The following SV2B variants were observed in gnomAD, a reference collection of about 807,000 sequenced individuals.
The protein encoded by SV2B is synaptic vesicle glycoprotein 2B.
Under a neutral mutation model 73.9 loss-of-function variants are expected in SV2B, and 41 were observed. The observed-to-expected ratio is 0.56, with a 90% CI of 0.43 to 0.72. The LOEUF (loss-of-function observed/expected upper bound fraction) is 0.72, where lower values mean the gene tolerates loss of function less well. SV2B is among the 30% of genes least tolerant of loss of function. SV2B has a pLI of 0.00. For missense variants in SV2B, 764 were observed against 857.8 expected, an observed-to-expected ratio of 0.89 and a Z score of 1.37; for synonymous variants, 314 against 314.2, an observed-to-expected ratio of 1.00 and a Z score of 0.01.
At position 91,281,879 on chromosome 15, in the gene SV2B, CAGAT is replaced by C. The variant is rs1269385184; in HGVS notation, c.1507+19_1507+22del. On this transcript the variant is annotated intron_variant, in intron 10 of 12. Transcript: ENST00000394232. This position sits in a 1 kb window ranked among gnomAD's most constrained non-coding sequence, Gnocchi z 4.7. ...CAACACAGGTAGGTAAGAACATTGACAGATTGAATAGAAAGTAACAGGAGACAAC... is the reference window on the plus strand; with the variant it reads ...CAACACAGGTAGGTAAGAACATTGACTGAATAGAAAGTAACAGGAGACAAC... 1 of 1,596,666 alleles carries C rather than the reference CAGAT, an allele frequency of 6.3e-7. No individual in the cohort carries two copies.
At position 91,253,247 on chromosome 15, in the gene SV2B, A is replaced by G. The variant is rs1249589543; in HGVS notation, c.784+727A>G. Among the ~76,000 whole-genome samples the G allele has an allele frequency of 6.6e-6, 1 of 152,184 alleles. No individual in the cohort carries two copies. On this transcript the variant is annotated intron_variant, in intron 4 of 12. Transcript: ENST00000394232. This position sits in a 1 kb window ranked among gnomAD's most constrained non-coding sequence, Gnocchi z 5.0. ...TATACTTAGTAATACTATCATCATC[A>G]TTCAAAATCATTTTTGGTAAATCAC...
At chr15:91,191,323 G>A (rs1385835446) in intron 1 of SV2B, among the ~76,000 whole-genome samples, 1 of 152,000 alleles carries the variant, frequency 6.6e-6, no homozygotes. Context: ...ATTAGGTCTT[G>A]TCTTTGGCCT....
intron 9 of SV2B, among the ~76,000 whole-genome samples, chr15:91,273,660 C>A (rs966880845): frequency 3.3e-5 from 5 of 151,960 alleles, no homozygotes; most frequent in African/African-American, 1.2e-4. Flanking sequence ...CTCTTTTTTT[C>A]CATTATAAAA....
chr15:91,159,196 C>T (rs559905055), intron 1 of SV2B, among the ~76,000 whole-genome samples: 2 of 152,186 alleles, frequency 1.3e-5, no homozygotes, highest in African/African-American at 4.8e-5. Context: ...CTCCCCACCA[C>T]CTCAGCTTCT....
Position 91,220,958 on chromosome 15 carries a change from G to A in SV2B, c.-391-4915G>A, listed in dbSNP as rs559798776. Among the ~76,000 whole-genome samples, 1 of 152,180 alleles carries A rather than the reference G, an allele frequency of 6.6e-6. No homozygotes were observed. Among genetic ancestry groups the A allele is most frequent in the East Asian group, 1.9e-4 (1 of 5,190 alleles). ...GGCTCACTGCAACCTCCGCCTCCTG[G>A]GATCAAGTGATCTTCCTTCCTCTGC... On this transcript the variant is annotated intron_variant, in intron 1 of 12. Transcript: ENST00000394232. The surrounding 1 kb of genome is among the most constrained non-coding windows in gnomAD (Gnocchi z 4.1).
intron 1 of SV2B, among the ~76,000 whole-genome samples, chr15:91,125,077 A>G (rs574931666): frequency 6.6e-6 from 1 of 152,192 alleles, no homozygotes; most frequent in South Asian, 2.1e-4. Flanking sequence ...ACCTGTTCAC[A>G]TAGCCTTCCC....
chr15:91,134,454 A>C (rs1255876441), intron 1 of SV2B, among the ~76,000 whole-genome samples: 1 of 152,092 alleles, frequency 6.6e-6, no homozygotes, highest in Non-Finnish European at 1.5e-5. Flanking sequence ...CAGAGCCACA[A>C]AGTAGCTGCA....
chr15:91,301,003 A>G lies in SV2B; in HGVS notation c.*8451A>G, dbSNP rs756380362. 1 of 152,260 alleles carries G rather than the reference A, an allele frequency of 6.6e-6. No homozygotes were observed. The highest frequency in any genetic ancestry group is 1.5e-5 in the Non-Finnish European group (1 of 68,066). The allele number at this position is 152,260 out of a possible 1,614,324, so 9.4% of individuals were successfully genotyped here. ...CTTTGGAAGCCTGCCATCTTTCTGT[A>G]ACGCACCTTCAACCTGAGATAATTA... On this transcript the variant is annotated 3_prime_UTR_variant, in exon 13 of 13. Transcript: ENST00000394232. This position sits in a 1 kb window ranked among gnomAD's most constrained non-coding sequence, Gnocchi z 4.3.
chr15:91,291,316 T>C (rs568094878), intron 12 of SV2B, among the ~76,000 whole-genome samples: 1 of 151,944 alleles, frequency 6.6e-6, no homozygotes, highest in South Asian at 2.1e-4. Context: ...AAAACAAAGA[T>C]ACTAAGACAA....
intron 6 of SV2B, among the ~76,000 whole-genome samples, chr15:91,263,839 C>T (rs1182572455): frequency 6.6e-6 from 1 of 152,236 alleles, no homozygotes; most frequent in East Asian, 1.9e-4. Context: ...TCCTCCCTTT[C>T]AGTCTCTCCA....
chr15:91,154,430 G>C (rs929533081), intron 1 of SV2B, among the ~76,000 whole-genome samples: 5 of 152,156 alleles, frequency 3.3e-5, no homozygotes, highest in African/African-American at 1.2e-4. Flanking sequence ...TGGAATATTA[G>C]ACAGGCAGAT....
In SV2B at chr15:91,251,869, C is replaced by G. The variant is rs2047496818; in HGVS notation, c.502C>G (p.Leu168Val). Residue 168 changes from leucine to valine, a missense_variant, in exon 3 of 13, where the codon CTG becomes GTG. Leu to Val is a conservative substitution (Grantham distance 32). Coordinates refer to ENST00000394232, the MANE Select transcript of SV2B (RefSeq NM_001323032.3). ...GGCGGGCGCCTTCATCCTGGGAGGC[C>G]TGGCTGATAAGCTGGGAAGGAAGCG... ...MMAGAFILGG[L>V]ADKLGRKRVL... 1 of 1,614,080 alleles carries G rather than the reference C, an allele frequency of 6.2e-7. No homozygotes were observed. The highest frequency in any genetic ancestry group is 1.7e-5 in the Admixed American group (1 of 60,006).
chr15:91,208,780 AC>A (rs1257910302), intron 1 of SV2B, among the ~76,000 whole-genome samples: 1 of 152,068 alleles, frequency 6.6e-6, no homozygotes, highest in African/African-American at 2.4e-5. Context: ...TCTCCCTGTC[AC>A]CCAGCTGGGT....
intron 1 of SV2B, among the ~76,000 whole-genome samples, chr15:91,107,768 C>T (rs1567256866): frequency 6.6e-6 from 1 of 152,108 alleles, no homozygotes; most frequent in Non-Finnish European, 1.5e-5. Context: ...CACCACCATG[C>T]CCGGCTAATT....
At chr15:91,167,448 A>G (rs1012239933) in intron 1 of SV2B, among the ~76,000 whole-genome samples, 7 of 152,118 alleles carry the variant, frequency 4.6e-5, no homozygotes, top group African/African-American at 1.7e-4. Context: ...TCTTCTGGAG[A>G]CTTTAAGAGA....
At chr15:91,196,983 G>A (rs977920011) in intron 1 of SV2B, among the ~76,000 whole-genome samples, 1 of 152,154 alleles carries the variant, frequency 6.6e-6, no homozygotes, top group African/African-American at 2.4e-5. Context: ...CTGCTGCAGG[G>A]GGAAGTTTAT....
chr15:91,248,662 C>G (rs1473383538), intron 2 of SV2B, among the ~76,000 whole-genome samples: 1 of 152,136 alleles, frequency 6.6e-6, no homozygotes, highest in Non-Finnish European at 1.5e-5. Context: ...CAGATGTGCT[C>G]TAGCCTCTTG....
chr15:91,202,221 T>A (rs534691037), intron 1 of SV2B, among the ~76,000 whole-genome samples: 1 of 152,290 alleles, frequency 6.6e-6, no homozygotes, highest in Admixed American at 6.5e-5. Context: ...CATTTACTTG[T>A]TTATTTGTAT....
rs979322270 is a variant in SV2B at position 91,140,480 on chromosome 15, C to T, written c.-392+40117C>T. On this transcript the variant is annotated intron_variant, in intron 1 of 12. Coordinates refer to ENST00000394232, the MANE Select transcript of SV2B (RefSeq NM_001323032.3). This position sits in a 1 kb window ranked among gnomAD's most constrained non-coding sequence, Gnocchi z 4.4. ...TGTATATCTCTCCTGTGTGCCAATT[C>T]GTGGAGTTCCTCCAAATGAACTTCC... 1.3e-5 allele frequency among the ~76,000 whole-genome samples: 2 copies of T among 152,166 alleles called. No individual in the cohort carries two copies. The highest frequency in any genetic ancestry group is 4.8e-5 in the African/African-American group (2 of 41,428).
Sources: allele counts gnomAD v4.1 joint callset (sites outside exome capture counted in the v4.1 genomes callset), GRCh38; gene constraint gnomAD v4.1.1; non-coding constraint Gnocchi (gnomAD v3.1); transcripts MANE v1.5; gene names NCBI Gene and HGNC (gene_info 2026-07-23, HGNC 2026-07-21).